Variants in PZP observed in about 807,000 individuals in gnomAD.
PZP encodes the protein pregnancy zone protein.
PZP carries 150 observed loss-of-function variants against 179.8 expected under a neutral mutation model. The ratio of observed to expected loss-of-function variants is 0.83; its 90% CI spans 0.73 to 0.96. The LOEUF (loss-of-function observed/expected upper bound fraction) is 0.96. Ranked by LOEUF, PZP falls within the 40% of genes least tolerant of loss-of-function variation. The pLI is 0.00. For missense variants in PZP, 1,689 were observed against 1,764.0 expected (o/e 0.96, Z 0.76); for synonymous variants, 624 against 652.3 (o/e 0.96, Z 0.66).
intron 14 of PZP, 50 bp downstream of exon 14, chr12:9,181,925 C>A: frequency 6.3e-7 from 1 of 1,581,888 alleles, no homozygotes; most frequent in East Asian, 2.2e-5. Flanking sequence ...TAGATGGCAC[C>A]TACAGTATCA....
intron 35 of PZP, 60 bp downstream of exon 35, chr12:9,149,501 G>A: frequency 6.8e-7 from 1 of 1,471,582 alleles, no homozygotes; most frequent in Non-Finnish European, 9.3e-7. Context: ...TTAAATTGCA[G>A]GGGCCCTTGG....
Position 9,197,115 on chromosome 12 carries a change from T to C in PZP, c.764A>G (p.Tyr255Cys), listed in dbSNP as rs1368950705. The C allele has an allele frequency of 2.5e-6, 4 of 1,602,196 alleles. No individual in the cohort carries two copies. Among genetic ancestry groups the C allele is most frequent in the Non-Finnish European group, 3.4e-6 (4 of 1,169,888 alleles). ...VNITVCGEYT[Y>C]GKPVPGLATV... ...TGCAAGTCCTGGGACAGGCTTCCCA[T>C]AAGTGTATCTGGTACATGAGAAATA... The change falls in exon 8 of 36, where the codon TAT becomes TGT. Residue 255 changes from tyrosine (Y) to cysteine (C), a missense_variant. Tyr to Cys is a radical substitution (Grantham distance 194). This residue lies in a region of PZP where 742 missense variants were observed against 730.5 expected (regional missense o/e 1.02). Transcript: ENST00000261336.
intron 8 of PZP, 117 bp from the exon 9 acceptor site, chr12:9,196,802 G>T: frequency 1.1e-6 from 1 of 877,850 alleles, no homozygotes; most frequent in Non-Finnish European, 1.8e-6. Flanking sequence ...TAAGTTAATT[G>T]ACCTTCGAGA....
chr12:9,180,204 T>A (rs889843205), intron 15 of PZP, among the ~76,000 whole-genome samples: 1 of 152,198 alleles, frequency 6.6e-6, no homozygotes, highest in African/African-American at 2.4e-5. Flanking sequence ...TACATATGTA[T>A]ACATGTGCCA....
intron 21 of PZP, among the ~76,000 whole-genome samples, 198 bp downstream of exon 21, chr12:9,163,470 T>A (rs1235917628): frequency 2.0e-5 from 3 of 151,268 alleles, no homozygotes; most frequent in Non-Finnish European, 2.9e-5. Context: ...AAAAAGGAAA[T>A]TGCACTCAAA....
At chr12:9,171,232 T>C (rs1941977492) in intron 15 of PZP, among the ~76,000 whole-genome samples, 1 of 151,778 alleles carries the variant, frequency 6.6e-6, no homozygotes, top group Non-Finnish European at 1.5e-5. Flanking sequence ...GGGTCTGGAG[T>C]GGACCCCCAG....
chr12:9,148,029 A>G (rs1162415786), downstream of PZP, among the ~76,000 whole-genome samples: 1 of 151,980 alleles, frequency 6.6e-6, no homozygotes, highest in Non-Finnish European at 1.5e-5. Context: ...AAAGGCATTA[A>G]CTACTCTCAT....
At chr12:9,157,398 A>C (rs755499652) in intron 27 of PZP, 43 bp from the exon 28 acceptor site, 1 of 1,566,000 alleles carries the variant, frequency 6.4e-7, no homozygotes, top group East Asian at 2.3e-5. Flanking sequence ...GGGTGAATAG[A>C]GGGCAGAGCA....
At position 9,160,389 on chromosome 12, in the gene PZP, CAT is replaced by C. The variant is rs777708120; in HGVS notation, c.2972_2973del (p.Tyr991CysfsTer7). ...QNMVLFAPNIYVLNYLNETQQ... is the reference protein window; with the variant it reads ...QNMVLFAPNIXVLNYLNETQQ... ...TGGGTTTCATTCAGATAGTTCAAGA[CAT>C]AGATGTTAGGAGCAAATAGGACCAT... On this transcript the variant is annotated frameshift_variant, in exon 24 of 36. Transcript: ENST00000261336. LOFTEE classifies it high-confidence loss of function. 3.7e-6 allele frequency: 6 copies of C among 1,614,174 alleles called. No homozygotes were observed. The highest frequency in any genetic ancestry group is 1.7e-6 in the Non-Finnish European group (2 of 1,180,014).
At chr12:9,193,391 C>A (rs1943566029) in intron 11 of PZP, among the ~76,000 whole-genome samples, 2 of 152,098 alleles carry the variant, frequency 1.3e-5, no homozygotes, top group South Asian at 4.1e-4. Context: ...TTTAAAAAAA[C>A]CTTTTGCGCA....
rs202111005 is a variant in PZP, at chr12:9,208,258, C to A, written c.83+1G>T. 1 of 1,610,938 alleles carries A rather than the reference C, an allele frequency of 6.2e-7. No homozygotes were observed. Among genetic ancestry groups the A allele is most frequent in the Non-Finnish European group, 8.5e-7 (1 of 1,177,218 alleles). On this transcript the variant is annotated splice_donor_variant, in intron 1 of 35. Coordinates refer to ENST00000261336, the MANE Select transcript of PZP (RefSeq NM_002864.3). LOFTEE classifies it high-confidence loss of function. ...AGGAAGGGGTCTTGAGTGAGACTTA[C>A]GGTTCTGTAGAGTTTGAGTCACTGG...
downstream of PZP, among the ~76,000 whole-genome samples, chr12:9,144,165 AAGAG>A (rs375691030): frequency 8.7e-5 from 13 of 149,478 alleles, no homozygotes; most frequent in African/African-American, 2.2e-4. Context: ...CCACATGAGG[AAGAG>A]AGAGAGAGAG....
chr12:9,169,794 T>C, intron 15 of PZP: 1 of 438,864 alleles, frequency 2.3e-6, no homozygotes, highest in Non-Finnish European at 3.9e-6. Context: ...GGGAAAATGC[T>C]TCCAAAGATT....
intron 32 of PZP, 84 bp downstream of exon 32, chr12:9,152,136 A>G (rs1205043961): frequency 5.9e-6 from 6 of 1,018,528 alleles, no homozygotes; most frequent in Admixed American, 1.8e-5. Context: ...TGATGTTGAC[A>G]TGGTTTTGAT....
chr12:9,199,859 T>C (rs1944048538), intron 7 of PZP, among the ~76,000 whole-genome samples: 1 of 152,156 alleles, frequency 6.6e-6, no homozygotes, highest in Admixed American at 6.6e-5. Context: ...GATTGAAAAT[T>C]TCCGTTGTAG....
chr12:9,184,466 A>G (rs776237241), intron 13 of PZP, among the ~76,000 whole-genome samples: 8 of 152,252 alleles, frequency 5.3e-5, no homozygotes, highest in Admixed American at 2.0e-4. Flanking sequence ...GGATCCCCCA[A>G]TCCCCTGAGT....
chr12:9,158,640 T>C (rs1592453683), intron 25 of PZP, 64 bp from the exon 26 acceptor site: 2 of 1,523,916 alleles, frequency 1.3e-6, no homozygotes, highest in South Asian at 1.3e-5. Flanking sequence ...CTCTGTTTTG[T>C]ACACACAGGC....
chr12:9,144,730 T>C (rs139938190), downstream of PZP, among the ~76,000 whole-genome samples: 293 of 152,070 alleles, frequency 1.9e-3, 1 homozygote, highest in African/African-American at 6.8e-3. Context: ...TATTGTGGGG[T>C]TGGAATGTCT....
At chr12:9,145,598 A>G (rs1307194020), downstream of PZP, among the ~76,000 whole-genome samples, 1 of 152,188 alleles carries the variant, frequency 6.6e-6, no homozygotes, top group Non-Finnish European at 1.5e-5. Flanking sequence ...ACAGTAATAC[A>G]GTATCATGTG....
Sources: gnomAD v4.1 joint callset for allele counts (sites outside exome capture counted in the v4.1 genomes callset) on GRCh38, gnomAD v4.1.1 for gene constraint, gnomAD v4.1.1 regional missense constraint, MANE v1.5 for transcripts, NCBI Gene and HGNC (gene_info 2026-07-23, HGNC 2026-07-21) for gene names.